The following IQGAP1 variants were observed in gnomAD, a reference collection of about 807,000 sequenced individuals.
IQGAP1 encodes IQ motif containing GTPase activating protein 1, also known as ras GTPase-activating-like protein IQGAP1.
IQGAP1 carries 66 observed loss-of-function variants against 215.6 expected under a neutral mutation model. That is an observed-to-expected ratio of 0.31 (90% CI 0.25 to 0.38). The LOEUF is 0.38. IQGAP1 is among the 10% of genes least tolerant of loss of function. The pLI is 1.00. For synonymous variants in IQGAP1, 772 were observed against 728.7 expected (o/e 1.06, Z -0.96); for missense variants, 1,712 against 1,997.1 (o/e 0.86, Z 2.72).
chr15:90,458,979 C>T (rs1965724096), intron 15 of IQGAP1, among the ~76,000 whole-genome samples: 2 of 152,214 alleles, frequency 1.3e-5, no homozygotes, highest in East Asian at 3.8e-4. Context: ...GCCCACTCCT[C>T]TACCCTTCAC....
chr15:90,478,210 C>T (rs550004081), intron 26 of IQGAP1, among the ~76,000 whole-genome samples: 3 of 152,092 alleles, frequency 2.0e-5, no homozygotes, highest in Non-Finnish European at 2.9e-5. Context: ...AGACTGGTCT[C>T]GAACTCCTGA....
At chr15:90,426,365 T>G in intron 3 of IQGAP1, 99 bp downstream of exon 3, 1 of 1,333,950 alleles carries the variant, frequency 7.5e-7, no homozygotes, top group Non-Finnish European at 1.0e-6. Context: ...GTGTAAGGTG[T>G]GTTTGTTGCA....
chr15:90,399,447 CTT>C (rs1427161606), intron 2 of IQGAP1, among the ~76,000 whole-genome samples: 6 of 152,184 alleles, frequency 3.9e-5, no homozygotes, highest in African/African-American at 1.4e-4. Context: ...ATGATGTTAA[CTT>C]TTGTGAGCTC....
intron 3 of IQGAP1, 117 bp downstream of exon 3, chr15:90,426,383 A>T: frequency 8.9e-7 from 1 of 1,124,904 alleles, no homozygotes; most frequent in South Asian, 1.6e-5. Context: ...GCAACAAATT[A>T]TAGCCTTTAA....
chr15:90,428,146 A>G (rs751893870), intron 3 of IQGAP1, among the ~76,000 whole-genome samples: 1 of 152,016 alleles, frequency 6.6e-6, no homozygotes, highest in African/African-American at 2.4e-5. Flanking sequence ...ATCATGGCTC[A>G]CTGCAGCCCT....
At chr15:90,426,913 A>G (rs1965231039) in intron 3 of IQGAP1, among the ~76,000 whole-genome samples, 1 of 148,446 alleles carries the variant, frequency 6.7e-6, no homozygotes, top group African/African-American at 2.5e-5. Flanking sequence ...AGATCATGAC[A>G]CTGCACTCCA....
At chr15:90,459,800 A>G (rs921184880) in intron 15 of IQGAP1, among the ~76,000 whole-genome samples, 1 of 152,088 alleles carries the variant, frequency 6.6e-6, no homozygotes, top group African/African-American at 2.4e-5. Context: ...TTTATCACTG[A>G]GTTACAAATT....
chr15:90,436,327 A>G (rs779992259), intron 5 of IQGAP1, among the ~76,000 whole-genome samples: 63 of 152,188 alleles, frequency 4.1e-4, no homozygotes, highest in Admixed American at 9.2e-4. Flanking sequence ...ACTTTATGAT[A>G]CCATATACAC....
chr15:90,407,806 C>T (rs1032002935), intron 2 of IQGAP1, among the ~76,000 whole-genome samples: 1 of 152,138 alleles, frequency 6.6e-6, no homozygotes. Flanking sequence ...TTAGCTCCTC[C>T]ATTGTTCAGG....
chr15:90,501,758 A>G lies in IQGAP1; in HGVS notation c.*1650A>G, dbSNP rs748752700. On this transcript the variant is annotated 3_prime_UTR_variant, in exon 38 of 38. Transcript: ENST00000268182. ...TCAGATTAAAAGATGATGCTATTAC[A>G]ACTAGCATTGCCTCAAAAACTGGGA... 6.6e-6 allele frequency: 1 copy of G among 152,194 alleles called. No homozygotes were observed. The highest frequency in any genetic ancestry group is 1.5e-5 in the Non-Finnish European group (1 of 68,034). The allele number at this position is 152,194 out of a possible 1,614,324, so 9.4% of individuals were successfully genotyped here.
chr15:90,446,089 A>G (rs1475875473), intron 9 of IQGAP1, among the ~76,000 whole-genome samples: 5 of 152,238 alleles, frequency 3.3e-5, no homozygotes, highest in Non-Finnish European at 5.9e-5. Context: ...TTAAGTCAGC[A>G]AATATAAACT....
In IQGAP1 at chr15:90,443,379, T is replaced by G; in HGVS notation, c.829-15T>G. 3.8e-6 allele frequency: 6 copies of G among 1,586,778 alleles called. No homozygotes were observed. The highest frequency in any genetic ancestry group is 5.2e-6 in the Non-Finnish European group (6 of 1,155,832). On this transcript the variant is annotated splice_polypyrimidine_tract_variant and intron_variant, in intron 8 of 37. Coordinates refer to ENST00000268182, the MANE Select transcript of IQGAP1 (RefSeq NM_003870.4). ...ACCTTAAGCTAACTTAATTACGCTTTTTACTCATCCTCAGACAGAAAACTC... is the reference window on the plus strand; with the variant it reads ...ACCTTAAGCTAACTTAATTACGCTTGTTACTCATCCTCAGACAGAAAACTC...
chr15:90,453,240 T>C lies in IQGAP1; in HGVS notation c.1435T>C (p.Leu479=), dbSNP rs1260174051. The C allele has an allele frequency of 6.2e-7, 1 of 1,614,032 alleles. No homozygotes were observed. The highest frequency in any genetic ancestry group is 1.1e-5 in the South Asian group (1 of 91,060). Reference sequence around the variant, plus strand: ...AGATGTGAATACAGTGTGGAAGCAATTGAGCAGTTCAGTTACTGGTCTTAC... The same window carrying C: ...AGATGTGAATACAGTGTGGAAGCAACTGAGCAGTTCAGTTACTGGTCTTAC... ...SGDVNTVWKQ[L]SSSVTGLTNI... Residue 479 remains leucine, a synonymous_variant, in exon 13 of 38, where the codon TTG becomes CTG. Coordinates refer to ENST00000268182, the MANE Select transcript of IQGAP1 (RefSeq NM_003870.4).
intron 2 of IQGAP1, among the ~76,000 whole-genome samples, chr15:90,397,424 T>C (rs1193563692): frequency 2.0e-5 from 3 of 151,980 alleles, no homozygotes; most frequent in Non-Finnish European, 4.4e-5. Context: ...ATTTGTCCTT[T>C]GCAGAATGGG....
At chr15:90,435,154 C>T (rs958386696) in intron 5 of IQGAP1, among the ~76,000 whole-genome samples, 2 of 152,006 alleles carry the variant, frequency 1.3e-5, no homozygotes, top group East Asian at 1.9e-4. Context: ...TTGTGGATCT[C>T]GTGTTGAGAA....
intron 13 of IQGAP1, among the ~76,000 whole-genome samples, chr15:90,453,920 ATAC>A (rs1386567027): frequency 3.3e-5 from 5 of 152,218 alleles, no homozygotes; most frequent in African/African-American, 9.7e-5. Context: ...ACCATTAGAG[ATAC>A]TAAGATTGAT....
chr15:90,489,765 T>C (rs1966177716), intron 33 of IQGAP1, among the ~76,000 whole-genome samples: 1 of 152,230 alleles, frequency 6.6e-6, no homozygotes, highest in Non-Finnish European at 1.5e-5. Context: ...AAACCAATAC[T>C]TGAAACATGT....
At chr15:90,438,377 A>G (rs1437812483) in intron 5 of IQGAP1, among the ~76,000 whole-genome samples, 1 of 152,194 alleles carries the variant, frequency 6.6e-6, no homozygotes, top group Non-Finnish European at 1.5e-5. Flanking sequence ...ATTAATGTTT[A>G]TTAATATATG....
intron 15 of IQGAP1, among the ~76,000 whole-genome samples, chr15:90,460,288 G>A (rs575343765): frequency 6.6e-6 from 1 of 152,136 alleles, no homozygotes; most frequent in East Asian, 1.9e-4. Context: ...TTCTGAGCAT[G>A]TGCACAGCCC....
Sources: gnomAD v4.1 joint callset for allele counts (sites outside exome capture counted in the v4.1 genomes callset) on GRCh38, gnomAD v4.1.1 for gene constraint, MANE v1.5 for transcripts, NCBI Gene and HGNC (gene_info 2026-07-23, HGNC 2026-07-21) for gene names.